The following FAM171B variants were observed in gnomAD, a reference collection of about 807,000 sequenced individuals.
The protein encoded by FAM171B is protein FAM171B.
FAM171B carries 19 observed loss-of-function variants against 75.6 expected under a neutral mutation model. The ratio of observed to expected loss-of-function variants is 0.25; its 90% CI spans 0.18 to 0.37. The LOEUF (loss-of-function observed/expected upper bound fraction) is 0.37. FAM171B is among the 10% of genes least tolerant of loss of function. The pLI is 1.00. For synonymous variants in FAM171B, 367 were observed against 361.7 expected, an observed-to-expected ratio of 1.01 and a Z score of -0.17; for missense variants, 848 against 982.4, an observed-to-expected ratio of 0.86 and a Z score of 1.83.
intron 1 of FAM171B, among the ~76,000 whole-genome samples, chr2:186,732,113 A>G (rs1690125963): frequency 6.6e-6 from 1 of 152,178 alleles, no homozygotes; most frequent in Admixed American, 6.5e-5. Flanking sequence ...TCTTCTCTGA[A>G]ACCAGAGTCT....
At chr2:186,721,774 T>C (rs1355766445) in intron 1 of FAM171B, among the ~76,000 whole-genome samples, 1 of 152,156 alleles carries the variant, frequency 6.6e-6, no homozygotes, top group Non-Finnish European at 1.5e-5. Context: ...ATAAAGTATG[T>C]AGCATTAAGA....
chr2:186,733,871 G>A (rs1482973331), intron 1 of FAM171B, among the ~76,000 whole-genome samples: 1 of 152,174 alleles, frequency 6.6e-6, no homozygotes, highest in African/African-American at 2.4e-5. Flanking sequence ...ACCTCAAAGA[G>A]GGTATCTCAG....
At chr2:186,747,000 T>C in intron 3 of FAM171B, 92 bp from the exon 4 acceptor site, 3 of 899,936 alleles carry the variant, frequency 3.3e-6, no homozygotes, top group East Asian at 2.6e-5. Context: ...GCAATAATTA[T>C]AATTGCTTCT....
chr2:186,700,937 T>A (rs980155721), intron 1 of FAM171B, among the ~76,000 whole-genome samples: 2 of 152,008 alleles, frequency 1.3e-5, no homozygotes, highest in African/African-American at 4.8e-5. Context: ...TTTTTTTTCA[T>A]ACGGACTCTT....
intron 1 of FAM171B, among the ~76,000 whole-genome samples, chr2:186,723,296 A>C (rs1479227763): frequency 6.6e-6 from 1 of 152,210 alleles, no homozygotes; most frequent in Non-Finnish European, 1.5e-5. Flanking sequence ...TTTATCAATA[A>C]TTTGAAACAC....
At chr2:186,751,038 G>T in intron 4 of FAM171B, 96 bp from the exon 5 acceptor site, 1 of 882,944 alleles carries the variant, frequency 1.1e-6, no homozygotes, top group Non-Finnish European at 1.7e-6. Context: ...GATAACCCTT[G>T]GTGAAATAGA....
intron 1 of FAM171B, among the ~76,000 whole-genome samples, chr2:186,729,661 TTTTTG>T (rs933540590): frequency 9.2e-5 from 14 of 152,296 alleles, no homozygotes; most frequent in African/African-American, 3.1e-4. Flanking sequence ...GCTGAGGTTT[TTTTTG>T]TTTTGTTTTG....
rs543027324 is a variant in FAM171B, at chr2:186,755,153, T to A, written c.1012+1104T>A. Among the ~76,000 whole-genome samples, 10 of 152,296 alleles carry A rather than the reference T, an allele frequency of 6.6e-5. No homozygotes were observed. In the East Asian group the frequency reaches 1.5e-3, roughly 23 times the overall value. ...ACATTGCATATTTTAGCCATTAAAT[T>A]TTGAAAAAAGAAAAATTCTCTAACC... On this transcript the variant is annotated intron_variant, in intron 6 of 7. Coordinates refer to ENST00000304698, the MANE Select transcript of FAM171B (RefSeq NM_177454.4).
intron 1 of FAM171B, among the ~76,000 whole-genome samples, chr2:186,739,512 T>G (rs1349317836): frequency 6.6e-6 from 1 of 152,178 alleles, no homozygotes; most frequent in African/African-American, 2.4e-5. Context: ...AAACTTTTTT[T>G]GTTAAAAACT....
At chr2:186,702,680 C>T (rs1487052188) in intron 1 of FAM171B, among the ~76,000 whole-genome samples, 2 of 151,936 alleles carry the variant, frequency 1.3e-5, no homozygotes, top group Admixed American at 6.6e-5. Context: ...GGTAGGGCAG[C>T]GAGTGTCAGG....
chr2:186,730,570 T>A (rs374222629), intron 1 of FAM171B, among the ~76,000 whole-genome samples: 45 of 152,198 alleles, frequency 3.0e-4, no homozygotes, highest in African/African-American at 1.1e-3. Context: ...TAGATATAGG[T>A]GATCTCATCA....
chr2:186,699,133 G>T (rs1420603569), intron 1 of FAM171B, among the ~76,000 whole-genome samples: 1 of 151,922 alleles, frequency 6.6e-6, no homozygotes. Flanking sequence ...CTTTCTTTTG[G>T]GTATATACCT....
intron 1 of FAM171B, among the ~76,000 whole-genome samples, chr2:186,707,554 C>T (rs1413724100): frequency 1.3e-5 from 2 of 152,138 alleles, no homozygotes; most frequent in Admixed American, 1.3e-4. Flanking sequence ...TTTTTAAGTA[C>T]ACATTAGTTA....
intron 1 of FAM171B, among the ~76,000 whole-genome samples, chr2:186,719,766 A>G (rs906749172): frequency 2.0e-5 from 3 of 152,238 alleles, no homozygotes; most frequent in African/African-American, 7.2e-5. Flanking sequence ...TTAGCAATGC[A>G]CATCAAGAAG....
intron 1 of FAM171B, among the ~76,000 whole-genome samples, chr2:186,734,923 G>A (rs1269009790): frequency 6.6e-6 from 1 of 152,214 alleles, no homozygotes; most frequent in Non-Finnish European, 1.5e-5. Flanking sequence ...TTTGCCCCAG[G>A]GCTGGCACCG....
rs541336426 is a variant in FAM171B, at chr2:186,751,342, A to G, written c.895+38A>G. The G allele has an allele frequency of 2.2e-5, 32 of 1,444,818 alleles. No homozygotes were observed. In the East Asian group the frequency reaches 2.3e-4, roughly 10 times the overall value. 89.5% of individuals were successfully genotyped at this position (1,444,818 alleles called of 1,614,324 possible). Reference sequence around the variant, plus strand: ...GGTTAAAATAGTCTGAATATTTTACATATTTGTCAATTGACTAGCTGGATG... The same window carrying G: ...GGTTAAAATAGTCTGAATATTTTACGTATTTGTCAATTGACTAGCTGGATG... On this transcript the variant is annotated intron_variant, in intron 5 of 7. Coordinates refer to ENST00000304698, the MANE Select transcript of FAM171B (RefSeq NM_177454.4).
chr2:186,762,661 G>A lies in FAM171B; in HGVS notation c.2319G>A (p.Glu773=). ...ATGGAGGGAGTGGAGTGATCATGGA[G>A]CACCCTGGAGAAGAGTCGCCAGGAA... The part of the protein sequence containing the change: ...ILDGGSGVIM[E]HPGEESPGRK... Residue 773 remains glutamate, a synonymous_variant, in exon 8 of 8, where the codon GAG becomes GAA. Transcript: ENST00000304698. This position sits in a 1 kb window ranked among gnomAD's most constrained non-coding sequence, Gnocchi z 4.0. The A allele has an allele frequency of 6.2e-7, 1 of 1,613,230 alleles. No individual in the cohort carries two copies. The highest frequency in any genetic ancestry group is 1.1e-5 in the South Asian group (1 of 91,064).
chr2:186,756,971 A>G (rs1236535704), intron 6 of FAM171B, among the ~76,000 whole-genome samples: 3 of 152,202 alleles, frequency 2.0e-5, no homozygotes, highest in Non-Finnish European at 4.4e-5. Flanking sequence ...GGTCCTGTGT[A>G]CAGGAGCTTT....
chr2:186,741,295 G>A (rs1022517493), intron 2 of FAM171B, among the ~76,000 whole-genome samples: 5 of 152,014 alleles, frequency 3.3e-5, no homozygotes, highest in Non-Finnish European at 7.4e-5. Flanking sequence ...TAAACTATCT[G>A]ACCTTTCAGT....
Sources: gnomAD v4.1 joint callset for allele counts (sites outside exome capture counted in the v4.1 genomes callset) on GRCh38, gnomAD v4.1.1 for gene constraint, Gnocchi (gnomAD v3.1) non-coding constraint, MANE v1.5 for transcripts, NCBI Gene and HGNC (gene_info 2026-07-23, HGNC 2026-07-21) for gene names.